Variants in KNDC1 observed in about 807,000 individuals in gnomAD.
KNDC1 encodes the protein kinase non-catalytic C-lobe domain-containing protein 1.
A neutral mutation model predicts 172.8 loss-of-function variants in KNDC1; 106 were observed. The observed-to-expected ratio is 0.61, with a 90% CI of 0.52 to 0.72. KNDC1 has a LOEUF of 0.72. Ranked by LOEUF, KNDC1 falls within the 30% of genes least tolerant of loss-of-function variation. The pLI, the probability that KNDC1 is intolerant of heterozygous loss-of-function variation, is 0.00. For synonymous variants in KNDC1, 1,083 were observed against 1,062.2 expected, an observed-to-expected ratio of 1.02 and a Z score of -0.38; for missense variants, 2,325 against 2,394.5, an observed-to-expected ratio of 0.97 and a Z score of 0.61.
rs1854028533 is a variant in KNDC1, at chr10:133,189,793, G to A, written c.1555G>A (p.Glu519Lys). The A allele has an allele frequency of 6.2e-7, 1 of 1,613,810 alleles. No individual in the cohort carries two copies. The highest frequency in any genetic ancestry group is 1.3e-5 in the African/African-American group (1 of 74,926). Residue 519 changes from glutamate (E) to lysine (K), a missense_variant, in exon 9 of 30, where the codon GAG becomes AAG. By Grantham distance (56) the Glu-to-Lys change is moderately conservative. Transcript: ENST00000304613. ...SFFLAPELAE[E>K]RLVTEKASVY... Reference sequence around the variant, plus strand: ...CTTTCTGGCTCCCGAGCTGGCAGAGGAGAGGCTGGTAACTGAAAAGGTACC... The same window carrying A: ...CTTTCTGGCTCCCGAGCTGGCAGAGAAGAGGCTGGTAACTGAAAAGGTACC...
In KNDC1 at chr10:133,219,085, G is replaced by A. The variant is rs368855329; in HGVS notation, c.4855G>A (p.Val1619Met). ...AGAGGTCATGGAGGAGCTGAAAGCC[G>A]TGGAGGTACCAGCACTTTACGTGGC... The part of the protein sequence containing the change: ...IAEVMEELKA[V>M]EVFLKSDSLC... The change falls in exon 28 of 30, where the codon GTG (valine) becomes ATG (methionine). Residue 1619 changes from valine to methionine, a missense_variant. Val to Met is a conservative substitution (Grantham distance 21). Coordinates refer to ENST00000304613, the MANE Select transcript of KNDC1 (RefSeq NM_152643.8). 7.4e-6 allele frequency: 12 copies of A among 1,613,518 alleles called. No individual in the cohort carries two copies. The African/African-American group carries it at 8.0e-5, about 11-fold the overall frequency.
Position 133,210,513 on chromosome 10 carries a change from C to T in KNDC1, c.3795-98C>T, listed in dbSNP as rs563224419. On this transcript the variant is annotated intron_variant, in intron 20 of 29. Coordinates refer to ENST00000304613, the MANE Select transcript of KNDC1 (RefSeq NM_152643.8). ...TCCTGACAGTGATACTCAAAGAAAA[C>T]GCACACACACATACAGTCACACCCC... 2.3e-4 allele frequency: 168 copies of T among 732,994 alleles called. No homozygotes were observed. The East Asian group carries it at 2.7e-3, about 12-fold the overall frequency. 45.4% of individuals were successfully genotyped at this position (732,994 alleles called of 1,614,324 possible). A position where few individuals can be genotyped will look rare whatever the true frequency, so the allele number is the denominator to read the frequency against.
At position 133,188,591 on chromosome 10, in the gene KNDC1, A is replaced by G. The variant is rs908757275; in HGVS notation, c.1379A>G (p.Tyr460Cys). ...CAGCTGGGCCGGCCCTTCCGGGAGT[A>G]CGAGCTGTGGGCCCTGTGCCTGGCC... Reference protein sequence around the residue: ...LSQLGRPFREYELWALCLACL... With the variant: ...LSQLGRPFRECELWALCLACL... The change falls in exon 7 of 30, where the codon TAC becomes TGC. Residue 460 changes from tyrosine (Y) to cysteine (C), a missense_variant. Physicochemically the swap from Tyr to Cys is radical, Grantham distance 194. Coordinates refer to ENST00000304613, the MANE Select transcript of KNDC1 (RefSeq NM_152643.8). The G allele has an allele frequency of 2.5e-6, 4 of 1,596,106 alleles. No homozygotes were observed. In the African/African-American group the frequency reaches 5.4e-5, roughly 21 times the overall value.
At chr10:133,202,305 C>A in intron 17 of KNDC1, 2 of 484,846 alleles carry the variant, frequency 4.1e-6, no homozygotes, top group South Asian at 1.5e-5. Context: ...AAACGCCTGC[C>A]CAGCAAGTCT....
Position 133,163,343 on chromosome 10 carries a change from G to C in KNDC1, c.102+2774G>C, listed in dbSNP as rs566155435. 2.0e-4 allele frequency among the ~76,000 whole-genome samples: 30 copies of C among 152,294 alleles called. 1 individual carries two copies. The South Asian group carries it at 3.9e-3, about 20-fold the overall frequency. The stretch of plus-strand genomic sequence containing the variant: ...CCTCCTGTGTGCCGGTGTCAGGCTG[G>C]GCTCAGAATCTGAGGCTGGACAGGA... On this transcript the variant is annotated intron_variant, in intron 1 of 29. Coordinates refer to ENST00000304613, the MANE Select transcript of KNDC1 (RefSeq NM_152643.8). This position sits in a 1 kb window ranked among gnomAD's most constrained non-coding sequence, Gnocchi z 4.4.
intron 2 of KNDC1, 108 bp downstream of exon 2, chr10:133,167,687 C>A: frequency 8.0e-7 from 1 of 1,242,582 alleles, no homozygotes; most frequent in Admixed American, 2.1e-5. Context: ...GGAGCATGCC[C>A]GGACCCGGGT....
rs747711996 is a variant in KNDC1 at position 133,198,504 on chromosome 10, G to A, written c.2069+5G>A. ...GCAGAACGCAAGTGTGGCCAGGTGAGCATCGTCCCCACACCCCGGAGCTGC... is the reference window on the plus strand; with the variant it reads ...GCAGAACGCAAGTGTGGCCAGGTGAACATCGTCCCCACACCCCGGAGCTGC... On this transcript the variant is annotated splice_donor_5th_base_variant and intron_variant, in intron 13 of 29. Transcript: ENST00000304613. The A allele has an allele frequency of 2.5e-6, 4 of 1,597,502 alleles. No homozygotes were observed. The highest frequency in any genetic ancestry group is 3.4e-6 in the Non-Finnish European group (4 of 1,169,270).
intron 24 of KNDC1, among the ~76,000 whole-genome samples, chr10:133,213,243 C>A (rs762724932): frequency 7.2e-5 from 11 of 152,234 alleles, no homozygotes; most frequent in Non-Finnish European, 1.6e-4. Flanking sequence ...GTCTCTCCCC[C>A]CAGCCCCTCC....
intron 3 of KNDC1, among the ~76,000 whole-genome samples, chr10:133,178,282 C>T (rs1168457500): frequency 6.6e-6 from 1 of 152,184 alleles, no homozygotes; most frequent in Non-Finnish European, 1.5e-5. Flanking sequence ...TGCATGTCTG[C>T]AGCACTGGAT....
At chr10:133,219,838 C>G (rs997730184) in intron 28 of KNDC1, 117 bp from the exon 29 acceptor site, 3 of 1,004,234 alleles carry the variant, frequency 3.0e-6, no homozygotes, top group Admixed American at 2.9e-5. Context: ...GGGTAGACCC[C>G]GTGCGTGGAG....
rs1196361708 is a variant in KNDC1, at chr10:133,224,880, C to T, written c.5240C>T (p.Thr1747Ile). The T allele has an allele frequency of 1.9e-6, 3 of 1,612,520 alleles. No individual in the cohort carries two copies. Among genetic ancestry groups the T allele is most frequent in the Admixed American group, 1.7e-5 (1 of 60,014 alleles). ...GACAAGCTACGGAGGATGAAGGCTA[C>T]ATTCCAGTAGCCGAGCTCGGGCCTG... The part of the protein sequence containing the change: ...IQDKLRRMKA[T>I]FQ The change falls in exon 30 of 30, where the codon ACA becomes ATA. Residue 1747 changes from threonine (T) to isoleucine (I), a missense_variant. By Grantham distance (89) the Thr-to-Ile change is moderately conservative (BLOSUM62 -1). Transcript: ENST00000304613. The surrounding 1 kb of genome is among the most constrained non-coding windows in gnomAD (Gnocchi z 5.4).
intron 17 of KNDC1, among the ~76,000 whole-genome samples, chr10:133,204,336 C>T (rs1854464145): frequency 6.6e-6 from 1 of 152,258 alleles, no homozygotes; most frequent in Non-Finnish European, 1.5e-5. Context: ...GCCCACGTGA[C>T]TGAGGACCTG....
At chr10:133,177,577 GGTGT>G (rs575473802) in intron 3 of KNDC1, among the ~76,000 whole-genome samples, 42 of 146,050 alleles carry the variant, frequency 2.9e-4, no homozygotes, top group African/African-American at 5.0e-4. Context: ...ACATGCATGT[GGTGT>G]GTGTATCGGG....
chr10:133,177,636 A>G (rs1853583149), intron 3 of KNDC1, among the ~76,000 whole-genome samples: 1 of 151,754 alleles, frequency 6.6e-6, no homozygotes, highest in Non-Finnish European at 1.5e-5. Context: ...TGTTGTGAGC[A>G]TGTGTGTTGC....
In KNDC1 at chr10:133,186,619, A is replaced by G; in HGVS notation, c.1271A>G (p.Asp424Gly). The change falls in exon 6 of 30, where the codon GAC becomes GGC. Residue 424 changes from aspartate to glycine, a missense_variant. Coordinates refer to ENST00000304613, the MANE Select transcript of KNDC1 (RefSeq NM_152643.8). Reference sequence around the variant, plus strand: ...AGCGGTGAAGCCCAGACTCCCAGGGACGATGAGAGAATTCCAGAAGGAGCT... The same window carrying G: ...AGCGGTGAAGCCCAGACTCCCAGGGGCGATGAGAGAATTCCAGAAGGAGCT... ...DASGEAQTPR[D>G]DERIPEGARQ... is the part of the protein sequence containing the mutation. 1.9e-6 allele frequency: 3 copies of G among 1,597,006 alleles called. No homozygotes were observed. In the South Asian group the frequency reaches 3.3e-5, roughly 18 times the overall value.
intron 6 of KNDC1, 63 bp downstream of exon 6, chr10:133,186,737 C>G (rs1053069592): frequency 2.3e-5 from 27 of 1,186,782 alleles, no homozygotes; most frequent in Non-Finnish European, 2.8e-5. Flanking sequence ...GGGGCCGGGC[C>G]TCTCCACAGA....
intron 16 of KNDC1, among the ~76,000 whole-genome samples, chr10:133,200,823 G>A (rs936082905): frequency 6.6e-6 from 1 of 152,230 alleles, no homozygotes; most frequent in African/African-American, 2.4e-5. Context: ...CCAAGCAGAG[G>A]GGGGCCTGTG....
In KNDC1 at chr10:133,189,635, CGG is replaced by C; in HGVS notation, c.1482_1483del (p.Ala495CysfsTer13). ...TGGACTCCGTGCTGGTTGCTGAGGA[CGG>C]GGCTGTGCTCTTCCAGCCACCCCCT... ...CLDSVLVAED[G>X]AVLFQPPPAN... On this transcript the variant is annotated frameshift_variant, in exon 8 of 30. Transcript: ENST00000304613. LOFTEE classifies it high-confidence loss of function. 2 of 1,613,814 alleles carry C rather than the reference CGG, an allele frequency of 1.2e-6. No homozygotes were observed. The highest frequency in any genetic ancestry group is 1.7e-6 in the Non-Finnish European group (2 of 1,179,988).
chr10:133,160,594 GC>G, intron 1 of KNDC1, 25 bp downstream of exon 1: 2 of 1,505,608 alleles, frequency 1.3e-6, no homozygotes, highest in Non-Finnish European at 1.8e-6. Flanking sequence ...CCACTGGGGG[GC>G]CCCTTCCGCC....
Sources: allele counts gnomAD v4.1 joint callset (sites outside exome capture counted in the v4.1 genomes callset), GRCh38; gene constraint gnomAD v4.1.1; non-coding constraint Gnocchi (gnomAD v3.1); transcripts MANE v1.5; gene names NCBI Gene and HGNC (gene_info 2026-07-23, HGNC 2026-07-21).